Variants in ANK3 observed in about 807,000 individuals in gnomAD.
ANK3 encodes ankyrin-3.
ANK3 carries 57 observed loss-of-function variants against 370.9 expected under a neutral mutation model. The observed-to-expected ratio is 0.15, with a 90% CI of 0.12 to 0.19. The LOEUF is 0.19. Among genes scored for constraint, ANK3 ranks in the 10% least tolerant of loss-of-function variants. The probability of loss-of-function intolerance (pLI) is 1.00; values close to 1 mark genes in which losing one functional copy is unlikely to be tolerated. For missense variants in ANK3, 4,439 were observed against 5,302.1 expected (o/e 0.84, Z 5.06); for synonymous variants, 1,929 against 1,946.3 (o/e 0.99, Z 0.23).
rs569991432 is a variant in ANK3, at chr10:60,118,331, G to A, written c.2842-4000C>T. Among the ~76,000 whole-genome samples, 279 of 152,282 alleles carry A rather than the reference G, an allele frequency of 1.8e-3. 2 individuals are homozygous for A. Among genetic ancestry groups the A allele is most frequent in the Non-Finnish European group, 3.3e-3 (224 of 68,010 alleles). Reference sequence around the variant, plus strand: ...AAATAAATTTGTAGAGCAATTACATGCAAGTCACTATCTCACCCACATCCT... The same window carrying A: ...AAATAAATTTGTAGAGCAATTACATACAAGTCACTATCTCACCCACATCCT... On this transcript the variant is annotated intron_variant, in intron 25 of 43. Transcript: ENST00000280772.
intron 1 of ANK3, among the ~76,000 whole-genome samples, chr10:60,637,695 G>A (rs755951819): frequency 4.6e-5 from 7 of 152,158 alleles, no homozygotes; most frequent in Non-Finnish European, 1.5e-5. Flanking sequence ...AGGGTGAAAT[G>A]AGATTATAAG....
intron 38 of ANK3, 52 bp from the exon 39 acceptor site, chr10:60,064,340 C>G: frequency 6.6e-7 from 1 of 1,512,654 alleles, no homozygotes; most frequent in Non-Finnish European, 8.8e-7. Flanking sequence ...TTTTATCACA[C>G]GTTTCATAAA....
rs1290760313 is a variant in ANK3 at position 60,106,016 on chromosome 10, T to C, written c.3217A>G (p.Lys1073Glu). 1 of 1,612,638 alleles carries C rather than the reference T, an allele frequency of 6.2e-7. No homozygotes were observed. Among genetic ancestry groups the C allele is most frequent in the East Asian group, 2.2e-5 (1 of 44,658 alleles). Reference protein sequence around the residue: ...EIPHFGSMRGKERELIVLRSE... With the variant: ...EIPHFGSMRGEERELIVLRSE... ...CGAAGAACAATGAGTTCTCTCTCTT[T>C]TCCTCTCATGGACCCAAAGTGAGGG... Residue 1073 changes from lysine to glutamate, a missense_variant, in exon 28 of 44, where the codon AAA (lysine) becomes GAA (glutamate). Physicochemically the swap from Lys to Glu is moderately conservative, Grantham distance 56. Transcript: ENST00000280772.
At chr10:60,448,002 T>A (rs184671792) in intron 2 of ANK3, among the ~76,000 whole-genome samples, 1 of 152,318 alleles carries the variant, frequency 6.6e-6, no homozygotes, top group African/African-American at 2.4e-5. Context: ...GAGGGGCAGA[T>A]AGGCTCCCCC....
chr10:60,055,558 G>A (rs1380490228), intron 42 of ANK3, 100 bp downstream of exon 42: 17 of 1,416,828 alleles, frequency 1.2e-5, no homozygotes, highest in South Asian at 1.1e-4. Flanking sequence ...TTTAGAAATC[G>A]TAAAAAACCT....
intron 1 of ANK3, among the ~76,000 whole-genome samples, chr10:60,374,800 T>G (rs1434894515): frequency 6.6e-6 from 1 of 152,166 alleles, no homozygotes; most frequent in Non-Finnish European, 1.5e-5. Flanking sequence ...AATAAGAGAT[T>G]CGTTGGTACT....
At chr10:60,172,545 C>T (rs909810886) in intron 20 of ANK3, 142 bp from the exon 21 acceptor site, 18 of 694,676 alleles carry the variant, frequency 2.6e-5, no homozygotes, top group Non-Finnish European at 3.2e-5. Context: ...ACATACCTTG[C>T]ACAAAACCCA....
chr10:60,497,355 G>A (rs2133134500), intron 2 of ANK3, among the ~76,000 whole-genome samples: 2 of 152,258 alleles, frequency 1.3e-5, no homozygotes, highest in Middle Eastern at 6.8e-3. Context: ...CTTCTTAATA[G>A]CATAGTCAGA....
intron 7 of ANK3, among the ~76,000 whole-genome samples, chr10:60,250,595 G>A (rs564284300): frequency 6.6e-6 from 1 of 152,226 alleles, no homozygotes; most frequent in Non-Finnish European, 1.5e-5. Flanking sequence ...TCGATCTCCT[G>A]ACCTTGTGAT....
chr10:60,180,995 C>T (rs2096161472), intron 18 of ANK3, among the ~76,000 whole-genome samples: 1 of 152,098 alleles, frequency 6.6e-6, no homozygotes. Flanking sequence ...GTCTATTTGT[C>T]TGCATTTAAA....
At chr10:60,157,280 G>T (rs2095360569) in intron 23 of ANK3, among the ~76,000 whole-genome samples, 1 of 150,154 alleles carries the variant, frequency 6.7e-6, no homozygotes. Flanking sequence ...CAGGTGATCT[G>T]CCTGCCTCAG....
chr10:60,176,988 T>C (rs2095982923), intron 18 of ANK3, among the ~76,000 whole-genome samples: 1 of 152,206 alleles, frequency 6.6e-6, no homozygotes, highest in African/African-American at 2.4e-5. Flanking sequence ...CTTCATTCAC[T>C]GTTCCAGCTC....
chr10:60,639,382 C>A (rs1217831733), intron 1 of ANK3, among the ~76,000 whole-genome samples: 5 of 150,356 alleles, frequency 3.3e-5, no homozygotes, highest in African/African-American at 1.2e-4. Context: ...AAATTTAATT[C>A]TTAAGGTCTT....
At position 60,075,968 on chromosome 10, in the gene ANK3, G is replaced by A; in HGVS notation, c.4913C>T (p.Ser1638Leu). 6.2e-7 allele frequency: 1 copy of A among 1,614,146 alleles called. No individual in the cohort carries two copies. The highest frequency in any genetic ancestry group is 8.5e-7 in the Non-Finnish European group (1 of 1,179,986). The change falls in exon 37 of 44, where the codon TCA (serine) becomes TTA (leucine). Residue 1638 changes from serine to leucine, a missense_variant. Transcript: ENST00000280772. ...TTAGSLLERSSITMTPPASPK... is the reference protein window; with the variant it reads ...TTAGSLLERSLITMTPPASPK... ...GGAGGCAGGGGGTGTCATAGTAATT[G>A]ATGACCTCTCCAAAAGAGACCCTGC... is the stretch of plus-strand genomic sequence containing the variant.
Position 60,207,801 on chromosome 10 carries a change from C to T in ANK3, c.1194+235G>A, listed in dbSNP as rs370724299. On this transcript the variant is annotated intron_variant, in intron 10 of 43. Transcript: ENST00000280772. ...TAATTGTATAGTCTTTGGGTTCATA[C>T]GGGAATCACTTATGTGACCATAAAA... 1.8e-4 allele frequency among the ~76,000 whole-genome samples: 28 copies of T among 152,272 alleles called. 1 individual carries two copies. The highest frequency in any genetic ancestry group is 6.2e-4 in the South Asian group (3 of 4,812).
At chr10:60,298,498 A>T (rs80153432) in intron 1 of ANK3, among the ~76,000 whole-genome samples, 3,866 of 152,306 alleles carry the variant, frequency 0.025, 151 homozygotes, top group African/African-American at 0.085. Flanking sequence ...CAGTACAGCA[A>T]TAGTATATGC....
intron 1 of ANK3, among the ~76,000 whole-genome samples, chr10:60,692,681 A>G (rs1277231758): frequency 6.6e-6 from 1 of 152,188 alleles, no homozygotes; most frequent in African/African-American, 2.4e-5. Flanking sequence ...AGTCAACTTA[A>G]TAAGGTAAAA....
intron 2 of ANK3, among the ~76,000 whole-genome samples, chr10:60,472,174 A>G (rs1370362414): frequency 6.6e-6 from 1 of 152,174 alleles, no homozygotes; most frequent in African/African-American, 2.4e-5. Flanking sequence ...TAATTGAATG[A>G]TCTGCAAGCA....
intron 28 of ANK3, among the ~76,000 whole-genome samples, chr10:60,105,237 ACT>A (rs2092004724): frequency 6.6e-6 from 1 of 151,598 alleles, no homozygotes; most frequent in African/African-American, 2.4e-5. Context: ...TTAAAGGAAA[ACT>A]CTGCGTCAAA....
Sources: allele counts gnomAD v4.1 joint callset (sites outside exome capture counted in the v4.1 genomes callset), GRCh38; gene constraint gnomAD v4.1.1; transcripts MANE v1.5; gene names NCBI Gene and HGNC (gene_info 2026-07-23, HGNC 2026-07-21).